CFAP92: variants seen among roughly 807,000 people sequenced by gnomAD.
CFAP92 encodes cilia and flagella associated protein 92 (putative), also known as uncharacterized protein CFAP92.
CFAP92 carries 86 observed loss-of-function variants against 106.3 expected under a neutral mutation model. The ratio of observed to expected loss-of-function variants is 0.81; its 90% confidence interval spans 0.68 to 0.97. The LOEUF (loss-of-function observed/expected upper bound fraction) is 0.97, where lower values mean the gene tolerates loss of function less well. CFAP92 is among the 50% of genes least tolerant of loss of function. The pLI is 0.00. For missense variants in CFAP92, 1,204 were observed against 1,283.8 expected, an observed-to-expected ratio of 0.94 and a Z score of 0.95; for synonymous variants, 477 against 506.4, an observed-to-expected ratio of 0.94 and a Z score of 0.78.
At chr3:128,956,744 C>A (rs1368744182) in intron 9 of CFAP92, among the ~76,000 whole-genome samples, 1 of 151,924 alleles carries the variant, frequency 6.6e-6, no homozygotes, top group Non-Finnish European at 1.5e-5. Context: ...CTTTGGGAGG[C>A]CGAGGTGCGT....
intron 12 of CFAP92, among the ~76,000 whole-genome samples, chr3:128,918,838 AG>A (rs1477958790): frequency 6.6e-6 from 1 of 152,222 alleles, no homozygotes; most frequent in Non-Finnish European, 1.5e-5. Flanking sequence ...GATCTATCCA[AG>A]GAACACAGGA....
chr3:128,983,927 G>A (rs763579124), intron 4 of CFAP92, among the ~76,000 whole-genome samples: 15 of 152,230 alleles, frequency 9.9e-5, no homozygotes, highest in African/African-American at 3.1e-4. Flanking sequence ...CACCAGGGCC[G>A]AAGGGGAGAC....
rs1004877217 is a variant in CFAP92 at position 128,914,261 on chromosome 3, C to T, written c.3280+858G>A. On this transcript the variant is annotated intron_variant, in intron 15 of 15. Coordinates refer to ENST00000645291, the MANE Select transcript of CFAP92 (RefSeq NM_001394090.1). ...AGACAGCTCTCCTAGCTGGAGCCTC[C>T]TTGAGAGCCACAGCAGTAACTGTGG... is the stretch of plus-strand genomic sequence containing the variant. 3.3e-5 allele frequency among the ~76,000 whole-genome samples: 5 copies of T among 152,176 alleles called. No homozygotes were observed. In the East Asian group the frequency reaches 9.6e-4, roughly 29 times the overall value.
chr3:128,938,217 A>C (rs1939249900), intron 10 of CFAP92, among the ~76,000 whole-genome samples: 1 of 152,058 alleles, frequency 6.6e-6, no homozygotes, highest in South Asian at 2.1e-4. Flanking sequence ...GGGTAACAGC[A>C]ATAAACCCTG....
upstream of CFAP92, among the ~76,000 whole-genome samples, chr3:129,005,659 G>A (rs1035503675): frequency 6.6e-5 from 10 of 152,204 alleles, no homozygotes; most frequent in Admixed American, 2.6e-4. Context: ...GAGGAAGGTG[G>A]TCTAGCCCAG....
chr3:128,914,881 T>C, intron 15 of CFAP92: 1 of 518,008 alleles, frequency 1.9e-6, no homozygotes, highest in Non-Finnish European at 3.5e-6. Context: ...ACCCAGGGCA[T>C]GAAGGGATTT....
chr3:128,974,947 C>T (rs1197177855), intron 7 of CFAP92, among the ~76,000 whole-genome samples: 3 of 151,510 alleles, frequency 2.0e-5, no homozygotes. Flanking sequence ...GGTGAAACCC[C>T]GTCTCTAATA....
At chr3:128,928,304 A>G (rs1937935521) in intron 12 of CFAP92, among the ~76,000 whole-genome samples, 1 of 152,244 alleles carries the variant, frequency 6.6e-6, no homozygotes, top group South Asian at 2.1e-4. Context: ...AATTTGTTGC[A>G]GAAATTGGCA....
intron 2 of CFAP92, among the ~76,000 whole-genome samples, chr3:128,990,177 G>A (rs1052656582): frequency 6.6e-6 from 1 of 152,240 alleles, no homozygotes; most frequent in Non-Finnish European, 1.5e-5. Flanking sequence ...ATATATAGGT[G>A]TTTAAAATGA....
At chr3:128,931,298 C>T (rs959467539) in intron 12 of CFAP92, among the ~76,000 whole-genome samples, 4 of 151,804 alleles carry the variant, frequency 2.6e-5, no homozygotes, top group Admixed American at 6.6e-5. Context: ...GCTTCAGTCT[C>T]CTGAGTAGCT....
At chr3:128,963,052 G>C (rs1249989922) in intron 9 of CFAP92, among the ~76,000 whole-genome samples, 2 of 152,110 alleles carry the variant, frequency 1.3e-5, no homozygotes, top group African/African-American at 2.4e-5. Context: ...AATTACCTGG[G>C]CTGTACTGCC....
chr3:128,954,950 G>A (rs1239910040), intron 9 of CFAP92, among the ~76,000 whole-genome samples: 1 of 35,858 alleles, frequency 2.8e-5, no homozygotes, highest in Non-Finnish European at 4.3e-5. Context: ...CAGCCGCCCC[G>A]TCCGGGAGGG....
intron 10 of CFAP92, among the ~76,000 whole-genome samples, chr3:128,942,576 C>T (rs1189876264): frequency 6.6e-6 from 1 of 152,244 alleles, no homozygotes. Flanking sequence ...AACAAAGACA[C>T]TCCTATTAGG....
chr3:128,951,555 G>A (rs1276500518), intron 9 of CFAP92, among the ~76,000 whole-genome samples: 2 of 152,146 alleles, frequency 1.3e-5, no homozygotes, highest in Admixed American at 1.3e-4. Context: ...AGGTGTTTAG[G>A]GAACATGGGA....
upstream of CFAP92, among the ~76,000 whole-genome samples, chr3:128,995,799 G>C (rs191547156): frequency 1.3e-5 from 2 of 152,372 alleles, no homozygotes; most frequent in East Asian, 1.9e-4. Context: ...TTAAAGACCT[G>C]TGGAAGTGAC....
chr3:129,017,375 A>C, the CFAP92 span, among the ~76,000 whole-genome samples: 2 of 152,212 alleles, frequency 1.3e-5, no homozygotes, highest in African/African-American at 4.8e-5. Flanking sequence ...ACTTGAAACA[A>C]CACCCACCTG....
chr3:128,920,450 A>G (rs1215860658), intron 12 of CFAP92, among the ~76,000 whole-genome samples: 4 of 152,226 alleles, frequency 2.6e-5, no homozygotes, highest in Admixed American at 2.6e-4. Flanking sequence ...ATAAATGAAA[A>G]TGAGAATTTC....
In CFAP92 at chr3:128,948,769, A is replaced by T. The variant is rs184718165; in HGVS notation, c.1354-2794T>A. On this transcript the variant is annotated intron_variant, in intron 9 of 15. Coordinates refer to ENST00000645291, the MANE Select transcript of CFAP92 (RefSeq NM_001394090.1). Reference sequence around the variant, plus strand: ...GGTCTTGAACTCCTGACCTCAAGTGATCCGCCCGCCTTAGCCTCCCAAAGT... The same window carrying T: ...GGTCTTGAACTCCTGACCTCAAGTGTTCCGCCCGCCTTAGCCTCCCAAAGT... Among the ~76,000 whole-genome samples, 996 of 151,838 alleles carry T rather than the reference A, an allele frequency of 6.6e-3. 5 individuals are homozygous for T. The highest frequency in any genetic ancestry group is 0.015 in the Admixed American group (224 of 15,246).
intron 9 of CFAP92, 95 bp from the exon 10 acceptor site, chr3:128,946,070 G>T: frequency 1.1e-6 from 1 of 877,864 alleles, no homozygotes; most frequent in Non-Finnish European, 1.6e-6. Context: ...CAGGCTCATT[G>T]CCTGTCCCTG....
Sources: gnomAD v4.1 joint callset for allele counts (sites outside exome capture counted in the v4.1 genomes callset) on GRCh38, gnomAD v4.1.1 for gene constraint, MANE v1.5 for transcripts, NCBI Gene and HGNC (gene_info 2026-07-23, HGNC 2026-07-21) for gene names.